The following GPC5 variants were observed in gnomAD, a reference collection of about 807,000 sequenced individuals.
GPC5 encodes the protein glypican-5.
Under a neutral mutation model 53.9 loss-of-function variants are expected in GPC5, and 47 were observed. That is an observed-to-expected ratio of 0.87 (90% CI 0.69 to 1.11). The LOEUF (loss-of-function observed/expected upper bound fraction) is 1.11. Ranked by LOEUF, GPC5 falls within the 50% of genes most tolerant of loss-of-function variation. The pLI, the probability that GPC5 is intolerant of heterozygous loss-of-function variation, is 0.00. For synonymous variants in GPC5, 286 were observed against 263.3 expected (o/e 1.09, Z -0.84); for missense variants, 748 against 713.1 (o/e 1.05, Z -0.56).
chr13:92,858,787 T>G (rs1028054030), intron 7 of GPC5, among the ~76,000 whole-genome samples: 3 of 152,026 alleles, frequency 2.0e-5, no homozygotes, highest in Admixed American at 2.0e-4. Flanking sequence ...AACCTGCACA[T>G]GTACCCCATG....
intron 2 of GPC5, among the ~76,000 whole-genome samples, chr13:91,602,239 T>A (rs1025271556): frequency 5.3e-5 from 8 of 152,218 alleles, no homozygotes; most frequent in African/African-American, 1.9e-4. Flanking sequence ...TAAGAGTGTA[T>A]ACTTAGCTAA....
chr13:91,762,070 T>C (rs558733284), intron 5 of GPC5, among the ~76,000 whole-genome samples: 51 of 152,356 alleles, frequency 3.3e-4, no homozygotes, highest in African/African-American at 1.2e-3. Flanking sequence ...ATATGCCACA[T>C]TATTTCTACT....
chr13:92,588,260 C>A (rs1883602106), intron 7 of GPC5, among the ~76,000 whole-genome samples: 1 of 152,150 alleles, frequency 6.6e-6, no homozygotes, highest in South Asian at 2.1e-4. Context: ...TGAACTCATT[C>A]TTTTTTATGG....
chr13:91,990,600 AT>A (rs1277712540), intron 6 of GPC5, among the ~76,000 whole-genome samples: 1 of 152,172 alleles, frequency 6.6e-6, no homozygotes, highest in African/African-American at 2.4e-5. Context: ...TTAAAAATAT[AT>A]TTTTGTATCT....
At chr13:92,350,792 A>T (rs1457269722) in intron 7 of GPC5, among the ~76,000 whole-genome samples, 1 of 152,282 alleles carries the variant, frequency 6.6e-6, no homozygotes, top group Non-Finnish European at 1.5e-5. Context: ...CCATAAATAT[A>T]TGTTATAAAT....
At chr13:91,749,469 T>C (rs2037122774) in intron 4 of GPC5, among the ~76,000 whole-genome samples, 1 of 152,236 alleles carries the variant, frequency 6.6e-6, no homozygotes, top group Admixed American at 6.5e-5. Context: ...TTTCTGTGAA[T>C]AGTGCTGCGA....
intron 7 of GPC5, among the ~76,000 whole-genome samples, chr13:92,596,849 A>G (rs1158399091): frequency 6.6e-6 from 1 of 152,178 alleles, no homozygotes; most frequent in Non-Finnish European, 1.5e-5. Context: ...AATTCTTTGT[A>G]TACATGTTTA....
chr13:92,440,366 G>C (rs1221961736), intron 7 of GPC5, among the ~76,000 whole-genome samples: 1 of 152,074 alleles, frequency 6.6e-6, no homozygotes. Context: ...TGGTTTTTCT[G>C]TTCTTGTGTT....
chr13:92,487,221 C>G lies in GPC5; in HGVS notation c.1561+342232C>G, dbSNP rs555293938. ...CTGTATTTGCATGTAGTTTTATCAT[C>G]TCCATGCAGTTAACAGAATGTTTTC... On this transcript the variant is annotated intron_variant, in intron 7 of 7. Coordinates refer to ENST00000377067, the MANE Select transcript of GPC5 (RefSeq NM_004466.6). 1.4e-4 allele frequency among the ~76,000 whole-genome samples: 22 copies of G among 152,290 alleles called. No homozygotes were observed. In the South Asian group the frequency reaches 4.6e-3, roughly 32 times the overall value.
intron 7 of GPC5, among the ~76,000 whole-genome samples, chr13:92,637,482 T>C (rs1885447041): frequency 6.6e-6 from 1 of 152,138 alleles, no homozygotes; most frequent in Non-Finnish European, 1.5e-5. Flanking sequence ...CATAAGTAGT[T>C]TGTGTTTCCA....
chr13:92,121,291 G>A (rs139119632), intron 6 of GPC5, among the ~76,000 whole-genome samples: 441 of 152,220 alleles, frequency 2.9e-3, no homozygotes, highest in Non-Finnish European at 4.6e-3. Flanking sequence ...ATTTGTGGGG[G>A]TTGGGTGAAA....
intron 7 of GPC5, among the ~76,000 whole-genome samples, chr13:92,685,625 A>G (rs1412201063): frequency 1.7e-5 from 2 of 118,540 alleles, no homozygotes; most frequent in Non-Finnish European, 3.3e-5. Flanking sequence ...GGTTAGTTAC[A>G]TATGTATACA....
intron 6 of GPC5, among the ~76,000 whole-genome samples, chr13:91,966,482 TAAAC>T (rs1201995128): frequency 6.6e-6 from 1 of 152,210 alleles, no homozygotes; most frequent in African/African-American, 2.4e-5. Flanking sequence ...TTCTGAATAT[TAAAC>T]AAAAGATGTG....
intron 7 of GPC5, among the ~76,000 whole-genome samples, chr13:92,419,439 C>G (rs1876463135): frequency 6.6e-6 from 1 of 152,146 alleles, no homozygotes; most frequent in Admixed American, 6.5e-5. Context: ...ATAAGAATTT[C>G]AGATTAATCG....
chr13:91,880,580 C>T (rs895465374), intron 5 of GPC5, among the ~76,000 whole-genome samples: 1 of 152,078 alleles, frequency 6.6e-6, no homozygotes, highest in Non-Finnish European at 1.5e-5. Context: ...TCAATTTAGT[C>T]ATTTTAATAT....
At chr13:91,478,040 A>C (rs1432703440) in intron 2 of GPC5, among the ~76,000 whole-genome samples, 1 of 152,154 alleles carries the variant, frequency 6.6e-6, no homozygotes, top group African/African-American at 2.4e-5. Flanking sequence ...AGGAAAAAAA[A>C]ACAGATTCAT....
intron 3 of GPC5, among the ~76,000 whole-genome samples, chr13:91,708,171 C>T (rs1244628719): frequency 6.6e-6 from 1 of 152,064 alleles, no homozygotes; most frequent in Non-Finnish European, 1.5e-5. Context: ...GGAAACAAGA[C>T]AAAGGCAATA....
chr13:91,686,564 G>A (rs560038529), intron 2 of GPC5, among the ~76,000 whole-genome samples: 1 of 152,010 alleles, frequency 6.6e-6, no homozygotes, highest in African/African-American at 2.4e-5. Flanking sequence ...TAGAGAATTA[G>A]GTAGTTGCTT....
At chr13:91,546,457 A>G (rs536119540) in intron 2 of GPC5, among the ~76,000 whole-genome samples, 12 of 152,226 alleles carry the variant, frequency 7.9e-5, no homozygotes, top group Non-Finnish European at 1.6e-4. Flanking sequence ...GCCTTCAGGA[A>G]TTTTGATAAG....
Sources: gnomAD v4.1 joint callset for allele counts (sites outside exome capture counted in the v4.1 genomes callset) on GRCh38, gnomAD v4.1.1 for gene constraint, MANE v1.5 for transcripts, NCBI Gene and HGNC (gene_info 2026-07-23, HGNC 2026-07-21) for gene names.